Variants in GABRG3 observed in about 807,000 individuals in gnomAD.
GABRG3 encodes the protein gamma-aminobutyric acid receptor subunit gamma-3.
A neutral mutation model predicts 48.8 loss-of-function variants in GABRG3; 25 were observed. The observed-to-expected ratio is 0.51, with a 90% CI of 0.37 to 0.72. GABRG3 has a LOEUF of 0.72. Ranked by LOEUF, GABRG3 falls within the 30% of genes least tolerant of loss-of-function variation. The pLI, the probability that GABRG3 is intolerant of heterozygous loss-of-function variation, is 0.00. For missense variants in GABRG3, 394 were observed against 577.9 expected, an observed-to-expected ratio of 0.68 and a Z score of 3.26; for synonymous variants, 227 against 217.6, an observed-to-expected ratio of 1.04 and a Z score of -0.38.
intron 3 of GABRG3, among the ~76,000 whole-genome samples, chr15:27,275,907 G>T (rs1566990164): frequency 6.6e-6 from 1 of 152,154 alleles, no homozygotes; most frequent in African/African-American, 2.4e-5. Flanking sequence ...AAAGTAGGGG[G>T]CTCTGAGATT....
intron 3 of GABRG3, among the ~76,000 whole-genome samples, chr15:27,212,400 T>C (rs1889106327): frequency 6.6e-6 from 1 of 152,224 alleles, no homozygotes; most frequent in African/African-American, 2.4e-5. Context: ...AAGTCTTGGC[T>C]TTGTTTACAG....
At chr15:27,047,432 G>C (rs1013536807) in intron 3 of GABRG3, among the ~76,000 whole-genome samples, 2 of 152,168 alleles carry the variant, frequency 1.3e-5, no homozygotes, top group Non-Finnish European at 2.9e-5. Context: ...GGCTTACAGG[G>C]AGCCCTGACG....
At chr15:27,035,472 A>C (rs948020671) in intron 3 of GABRG3, among the ~76,000 whole-genome samples, 1 of 152,062 alleles carries the variant, frequency 6.6e-6, no homozygotes, top group African/African-American at 2.4e-5. Context: ...ATATTTCACA[A>C]TTGATTTTCC....
intron 5 of GABRG3, among the ~76,000 whole-genome samples, chr15:27,455,928 C>T (rs1400651988): frequency 2.0e-5 from 3 of 152,114 alleles, no homozygotes; most frequent in East Asian, 1.9e-4. Flanking sequence ...CCACTTTGCC[C>T]GTGTCCAGAC....
At chr15:26,980,782 C>T (rs575910982) in intron 2 of GABRG3, among the ~76,000 whole-genome samples, 10 of 151,232 alleles carry the variant, frequency 6.6e-5, no homozygotes, top group African/African-American at 9.7e-5. Flanking sequence ...TTAATTTCAT[C>T]CCATGAATTT....
At chr15:27,157,600 A>C (rs1396645124) in intron 3 of GABRG3, 4 of 152,016 alleles carry the variant, frequency 2.6e-5, no homozygotes, top group African/African-American at 9.7e-5. Flanking sequence ...ACAGGTTCCA[A>C]CTCTAGTTTG....
intron 3 of GABRG3, among the ~76,000 whole-genome samples, chr15:27,216,771 T>TTTATTTA (rs1566968483): frequency 6.7e-5 from 7 of 104,190 alleles, no homozygotes; most frequent in Admixed American, 3.5e-4. Context: ...TATTTATTTA[T>TTTATTTA]TTTTTAATTT....
At chr15:27,517,125 G>GCCT (rs10639789) in intron 6 of GABRG3, among the ~76,000 whole-genome samples, 95,241 of 151,210 alleles carry the variant, frequency 0.63, 31,283 homozygotes, top group African/African-American at 0.83. Flanking sequence ...GACTAGTGCC[G>GCCT]CCTCTATCAT....
intron 5 of GABRG3, among the ~76,000 whole-genome samples, chr15:27,468,407 G>A (rs534350985): frequency 7.9e-4 from 120 of 152,274 alleles, no homozygotes; most frequent in Non-Finnish European, 1.3e-3. Context: ...AACTGTCATG[G>A]GGTTGGTGGT....
intron 3 of GABRG3, among the ~76,000 whole-genome samples, chr15:27,297,361 T>C (rs1453986996): frequency 6.6e-6 from 1 of 152,216 alleles, no homozygotes. Flanking sequence ...GGCCTTCACA[T>C]TCACTCAGCA....
intron 3 of GABRG3, among the ~76,000 whole-genome samples, chr15:27,159,269 C>T (rs1439357796): frequency 1.3e-5 from 2 of 152,036 alleles, no homozygotes; most frequent in East Asian, 1.9e-4. Flanking sequence ...ATCACTTGAG[C>T]TCAGGAGTTC....
At chr15:27,511,011 T>C (rs1890883671) in intron 6 of GABRG3, among the ~76,000 whole-genome samples, 1 of 152,178 alleles carries the variant, frequency 6.6e-6, no homozygotes, top group South Asian at 2.1e-4. Flanking sequence ...AATGATGTAG[T>C]GTGCGATAGA....
At chr15:27,519,825 C>T (rs1891116772) in intron 6 of GABRG3, 147 bp from the exon 7 acceptor site, 2 of 650,612 alleles carry the variant, frequency 3.1e-6, no homozygotes, top group Admixed American at 3.3e-5. Context: ...AGAAAACCAG[C>T]ATTTTGATCC....
chr15:27,036,655 G>A (rs7173558), intron 3 of GABRG3, among the ~76,000 whole-genome samples: 19,364 of 151,978 alleles, frequency 0.13, 1,357 homozygotes, highest in East Asian at 0.21. Context: ...GCACCATTAC[G>A]CTGCAGGCTG....
At chr15:27,482,738 A>G (rs1566861364) in intron 6 of GABRG3, among the ~76,000 whole-genome samples, 1 of 152,340 alleles carries the variant, frequency 6.6e-6, no homozygotes, top group East Asian at 1.9e-4. Context: ...CAAGTTTTCA[A>G]GCTTATGTAA....
At chr15:27,413,780 C>T (rs1485538066) in intron 5 of GABRG3, among the ~76,000 whole-genome samples, 8 of 152,122 alleles carry the variant, frequency 5.3e-5, no homozygotes, top group Non-Finnish European at 8.8e-5. Flanking sequence ...ACTCAAGATG[C>T]ACCCTTTTCA....
chr15:27,368,871 G>A (rs1218158720), intron 5 of GABRG3, among the ~76,000 whole-genome samples: 2 of 152,132 alleles, frequency 1.3e-5, no homozygotes, highest in Non-Finnish European at 1.5e-5. Context: ...AGGCATTGAG[G>A]GGAAAGCTTG....
At chr15:27,470,425 G>T (rs1014088130) in intron 5 of GABRG3, among the ~76,000 whole-genome samples, 3 of 151,500 alleles carry the variant, frequency 2.0e-5, no homozygotes, top group East Asian at 1.9e-4. Flanking sequence ...TAGAGATGGG[G>T]TTTCACCGTG....
At chr15:27,416,916 G>C (rs1887956084) in intron 5 of GABRG3, among the ~76,000 whole-genome samples, 1 of 152,214 alleles carries the variant, frequency 6.6e-6, no homozygotes, top group Admixed American at 6.5e-5. Context: ...TAAATAATAA[G>C]AGGTATGTAT....
Sources: gnomAD v4.1 joint callset for allele counts (sites outside exome capture counted in the v4.1 genomes callset) on GRCh38, gnomAD v4.1.1 for gene constraint, MANE v1.5 for transcripts, NCBI Gene and HGNC (gene_info 2026-07-23, HGNC 2026-07-21) for gene names.